Variants in PLVAP observed in about 807,000 individuals in gnomAD.
PLVAP encodes plasmalemma vesicle associated protein.
PLVAP carries 34 observed loss-of-function variants against 43.1 expected under a neutral mutation model. That is an observed-to-expected ratio of 0.79 (90% CI 0.60 to 1.05). The LOEUF is 1.05. Ranked by LOEUF, PLVAP falls within the 50% of genes least tolerant of loss-of-function variation. The pLI is 0.00. For missense variants in PLVAP, 574 were observed against 593.4 expected, an observed-to-expected ratio of 0.97 and a Z score of 0.34; for synonymous variants, 241 against 237.3, an observed-to-expected ratio of 1.02 and a Z score of -0.14.
rs2074600021 is a variant in PLVAP, at chr19:17,377,242, C to G, written c.47G>C (p.Gly16Ala). The stretch of plus-strand genomic sequence containing the variant: ...GTAATACCAGCAGCCCCGAGAGCTG[C>G]CCCCCGCCCGAGCGTAGGACCCTCC... ...EHGGSYARAGGSSRGCWYYLR... is the reference protein window; with the variant it reads ...EHGGSYARAGASSRGCWYYLR... The change falls in exon 1 of 6, where the codon GGC (glycine) becomes GCC (alanine). Residue 16 changes from glycine to alanine, a missense_variant. Physicochemically the swap from Gly to Ala is moderately conservative, Grantham distance 60. Coordinates refer to ENST00000252590, the MANE Select transcript of PLVAP (RefSeq NM_031310.3). 6.8e-6 allele frequency: 11 copies of G among 1,613,836 alleles called. No individual in the cohort carries two copies. Among genetic ancestry groups the G allele is most frequent in the Non-Finnish European group, 9.3e-6 (11 of 1,179,924 alleles).
intron 1 of PLVAP, 94 bp downstream of exon 1, chr19:17,376,826 T>C (rs2074597079): frequency 3.3e-6 from 4 of 1,217,686 alleles, no homozygotes; most frequent in Non-Finnish European, 4.6e-6. Flanking sequence ...GGTCCTGTGA[T>C]CGTCCCCCTC....
chr19:17,353,679 T>C, intron 5 of PLVAP, among the ~76,000 whole-genome samples: 1 of 152,160 alleles, frequency 6.6e-6, no homozygotes, highest in Non-Finnish European at 1.5e-5. Flanking sequence ...ACCTCCTCGG[T>C]GTAGCCTGCC....
intron 5 of PLVAP, among the ~76,000 whole-genome samples, chr19:17,356,207 G>A (rs140023986): frequency 2.6e-5 from 4 of 152,310 alleles, no homozygotes; most frequent in African/African-American, 9.6e-5. Context: ...CTACTCGGGA[G>A]GCTGAGGCAT....
chr19:17,363,922 A>G (rs1260446928), intron 3 of PLVAP, among the ~76,000 whole-genome samples: 2 of 150,480 alleles, frequency 1.3e-5, no homozygotes, highest in African/African-American at 2.4e-5. Flanking sequence ...TTTTTTTTGT[A>G]TTTTTAGTAG....
rs1052700069 is a variant in PLVAP, at chr19:17,365,548, C to G, written c.917G>C (p.Arg306Pro). The G allele has an allele frequency of 3.1e-6, 5 of 1,611,854 alleles. No individual in the cohort carries two copies. The highest frequency in any genetic ancestry group is 1.7e-4 in the Middle Eastern group (1 of 6,060). ...GCCCTGCTGGGCTTCCAGCTTCTGG[C>G]GTTGGAGGTCTGAGTTCTCGCGGGC... ...RVARENSDLQ[R>P]QKLEAQQGLR... The change falls in exon 3 of 6, where the codon CGC becomes CCC. Residue 306 changes from arginine (R) to proline (P), a missense_variant. Coordinates refer to ENST00000252590, the MANE Select transcript of PLVAP (RefSeq NM_031310.3).
In PLVAP at chr19:17,365,494, T is replaced by G; in HGVS notation, c.971A>C (p.Lys324Thr). 2 of 1,612,448 alleles carry G rather than the reference T, an allele frequency of 1.2e-6. No homozygotes were observed. The highest frequency in any genetic ancestry group is 8.5e-7 in the Non-Finnish European group (1 of 1,180,018). ...GLRASQEAKQ[K>T]VEKEAQAREA... ...CCGGGCCTGAGCCTCCTTCTCCACCTTCTGTTTCGCCTCCTGACTGGCCCG... is the reference window on the plus strand; with the variant it reads ...CCGGGCCTGAGCCTCCTTCTCCACCGTCTGTTTCGCCTCCTGACTGGCCCG... The change falls in exon 3 of 6, where the codon AAG becomes ACG. Residue 324 changes from lysine to threonine, a missense_variant. Physicochemically the swap from Lys to Thr is moderately conservative, Grantham distance 78 (BLOSUM62 -1). Coordinates refer to ENST00000252590, the MANE Select transcript of PLVAP (RefSeq NM_031310.3).
chr19:17,371,835 C>T (rs1007310081), intron 1 of PLVAP, among the ~76,000 whole-genome samples: 1 of 152,144 alleles, frequency 6.6e-6, no homozygotes, highest in Non-Finnish European at 1.5e-5. Context: ...TAAAGCCATG[C>T]CTTTCAAACT....
At chr19:17,369,249 G>C (rs933554232) in intron 1 of PLVAP, among the ~76,000 whole-genome samples, 1 of 151,032 alleles carries the variant, frequency 6.6e-6, no homozygotes, top group Non-Finnish European at 1.5e-5. Flanking sequence ...GCAGTGGCAC[G>C]ATCTCGGCTC....
intron 1 of PLVAP, among the ~76,000 whole-genome samples, chr19:17,373,013 T>C (rs1314932808): frequency 8.3e-6 from 1 of 120,838 alleles, no homozygotes; most frequent in Non-Finnish European, 1.6e-5. Context: ...TTGCAGTGAG[T>C]GGATACCGCG....
intron 1 of PLVAP, among the ~76,000 whole-genome samples, chr19:17,373,003 T>C (rs1222059443): frequency 2.3e-5 from 3 of 132,580 alleles, no homozygotes; most frequent in Non-Finnish European, 4.6e-5. Context: ...GAGGCAGAGG[T>C]TGCAGTGAGT....
chr19:17,356,973 CAAAA>C (rs1287909209), intron 5 of PLVAP, among the ~76,000 whole-genome samples: 2 of 151,046 alleles, frequency 1.3e-5, no homozygotes, highest in Non-Finnish European at 3.0e-5. Flanking sequence ...AACAAAAAAA[CAAAA>C]GAAGAAGAAG....
intron 3 of PLVAP, among the ~76,000 whole-genome samples, chr19:17,364,441 T>C (rs2074540513): frequency 1.3e-5 from 2 of 152,066 alleles, no homozygotes; most frequent in South Asian, 4.1e-4. Context: ...GTTTAAGCTA[T>C]CCTTCCACCT....
Position 17,351,657 on chromosome 19 carries a change from A to AC in PLVAP, c.*704dup, listed in dbSNP as rs1224028292. 1 of 152,504 alleles carries AC rather than the reference A, an allele frequency of 6.6e-6. No homozygotes were observed. Among genetic ancestry groups the AC allele is most frequent in the African/African-American group, 2.4e-5 (1 of 41,418 alleles). The allele number at this position is 152,504 out of a possible 1,614,324, so 9.4% of individuals were successfully genotyped here. A position where few individuals can be genotyped will look rare whatever the true frequency, so the allele number is the denominator to read the frequency against. ...CCTGTTCTCACCTCCGGGTCCAGGC[A>AC]CTGGGGGTGAGGAAGTGGCTGGGAG... is the stretch of plus-strand genomic sequence containing the variant. On this transcript the variant is annotated 3_prime_UTR_variant, in exon 6 of 6. Coordinates refer to ENST00000252590, the MANE Select transcript of PLVAP (RefSeq NM_031310.3).
chr19:17,359,912 C>T (rs1311052236), intron 5 of PLVAP, among the ~76,000 whole-genome samples: 1 of 152,090 alleles, frequency 6.6e-6, no homozygotes, highest in Non-Finnish European at 1.5e-5. Flanking sequence ...TGCCACTCCC[C>T]CTTCTCTCCC....
At chr19:17,376,828 G>A (rs1019958314) in intron 1 of PLVAP, 92 bp downstream of exon 1, 9 of 1,231,860 alleles carry the variant, frequency 7.3e-6, no homozygotes, top group Non-Finnish European at 6.7e-6. Context: ...TCCTGTGATC[G>A]TCCCCCTCTC....
At chr19:17,372,239 C>A (rs185682782) in intron 1 of PLVAP, among the ~76,000 whole-genome samples, 4 of 151,196 alleles carry the variant, frequency 2.6e-5, no homozygotes, top group Admixed American at 2.0e-4. Context: ...GAAACCCCAT[C>A]TCTACTAAAA....
intron 3 of PLVAP, among the ~76,000 whole-genome samples, chr19:17,362,904 C>T (rs1476955149): frequency 1.3e-5 from 2 of 152,126 alleles, no homozygotes; most frequent in East Asian, 3.9e-4. Context: ...TTCCTCTAGG[C>T]ATCCTCACCC....
intron 3 of PLVAP, 31 bp from the exon 4 acceptor site, chr19:17,360,863 G>A: frequency 6.3e-7 from 1 of 1,590,770 alleles, no homozygotes; most frequent in Non-Finnish European, 8.6e-7. Flanking sequence ...GAGGTTGGTA[G>A]GAGCCAGGGC....
At chr19:17,359,270 T>C (rs898632623) in intron 5 of PLVAP, among the ~76,000 whole-genome samples, 17 of 147,258 alleles carry the variant, frequency 1.2e-4, no homozygotes, top group African/African-American at 4.1e-4. Flanking sequence ...ACCCGGCTAA[T>C]TTTTGTATTT....
Sources: gnomAD v4.1 joint callset for allele counts (sites outside exome capture counted in the v4.1 genomes callset) on GRCh38, gnomAD v4.1.1 for gene constraint, MANE v1.5 for transcripts, NCBI Gene and HGNC (gene_info 2026-07-23, HGNC 2026-07-21) for gene names.